TBL1X: variants seen among roughly 807,000 people sequenced by gnomAD.
The protein encoded by TBL1X is transducin beta like 1 X-linked.
TBL1X carries 10 observed loss-of-function variants against 50.7 expected under a neutral mutation model. That is an observed-to-expected ratio of 0.20 (90% confidence interval 0.12 to 0.33). The LOEUF (loss-of-function observed/expected upper bound fraction) is 0.33, where lower values mean the gene tolerates loss of function less well. Ranked by LOEUF, TBL1X falls within the 10% of genes least tolerant of loss-of-function variation. The pLI is 1.00. For missense variants in TBL1X, 340 were observed against 504.4 expected, an observed-to-expected ratio of 0.67 and a Z score of 3.12; for synonymous variants, 190 against 214.7, an observed-to-expected ratio of 0.88 and a Z score of 1.01.
chrX:9,478,509 T>C (rs1029860456), intron 1 of TBL1X, among the ~76,000 whole-genome samples: 6 of 111,976 alleles, frequency 5.4e-5, no homozygotes, highest in Admixed American at 4.7e-4. Context: ...CTTGGGCTAT[T>C]GGGCCAGGTG....
At chrX:9,617,715 A>C (rs1377970402) in intron 2 of TBL1X, among the ~76,000 whole-genome samples, 1 of 112,348 alleles carries the variant, frequency 8.9e-6, no homozygotes, top group Admixed American at 9.4e-5. Context: ...AGTGATGCCC[A>C]TAAGAGTCTT....
rs924642349 is a variant in TBL1X, at chrX:9,690,491, G to C, written c.617-1088G>C. 4.5e-5 allele frequency among the ~76,000 whole-genome samples: 5 copies of C among 111,334 alleles called. No homozygotes were observed. In the Admixed American group the frequency reaches 4.8e-4, roughly 11 times the overall value. On this transcript the variant is annotated intron_variant, in intron 7 of 17. Transcript: ENST00000645353. ...TTCTCATAAGGACACCAGTCCCACT[G>C]GGTTAGGGCCCACCCTTGTGACCTC...
chrX:9,489,381 T>G (rs770749992), intron 1 of TBL1X, among the ~76,000 whole-genome samples: 1 of 112,020 alleles, frequency 8.9e-6, no homozygotes, highest in East Asian at 2.8e-4. Flanking sequence ...GCATTTTGGC[T>G]CAAAAATAGT....
rs147818829 is a variant in TBL1X at position 9,710,918 on chromosome X, A to G, written c.1440-693A>G. 3.5e-3 allele frequency among the ~76,000 whole-genome samples: 391 copies of G among 111,863 alleles called. 4 individuals carry two copies. Among genetic ancestry groups the G allele is most frequent in the African/African-American group, 0.012 (367 of 30,743 alleles). On this transcript the variant is annotated intron_variant, in intron 15 of 17. Coordinates refer to ENST00000645353, the MANE Select transcript of TBL1X (RefSeq NM_005647.4). Reference sequence around the variant, plus strand: ...TAAATGTTTATTCACTTAATTTGCTATTTTTCCAAATATGGCTGTCTGTAT... The same window carrying G: ...TAAATGTTTATTCACTTAATTTGCTGTTTTTCCAAATATGGCTGTCTGTAT...
intron 15 of TBL1X, among the ~76,000 whole-genome samples, chrX:9,711,071 G>T (rs139805529): frequency 8.9e-6 from 1 of 111,973 alleles, no homozygotes; most frequent in Non-Finnish European, 1.9e-5. Flanking sequence ...GCTGGGCGCA[G>T]TGGCTTACAC....
At chrX:9,615,094 G>C (rs960461456) in intron 2 of TBL1X, among the ~76,000 whole-genome samples, 1 of 111,517 alleles carries the variant, frequency 9.0e-6, no homozygotes, top group African/African-American at 3.3e-5. Flanking sequence ...GGGGTTACCT[G>C]GGTTCCTGAC....
At chrX:9,584,109 A>G (rs764682901) in intron 2 of TBL1X, among the ~76,000 whole-genome samples, 1 of 112,135 alleles carries the variant, frequency 8.9e-6, no homozygotes, top group Non-Finnish European at 1.9e-5. Context: ...AGGAGCTCAA[A>G]TAAAAGCGGG....
At chrX:9,659,840 A>G (rs1202520678) in intron 5 of TBL1X, among the ~76,000 whole-genome samples, 1 of 112,224 alleles carries the variant, frequency 8.9e-6, no homozygotes, top group African/African-American at 3.2e-5. Context: ...TATCTGCAGG[A>G]CGCTCATGAA....
intron 1 of TBL1X, among the ~76,000 whole-genome samples, chrX:9,469,218 G>T (rs182859564): frequency 8.9e-6 from 1 of 111,787 alleles, no homozygotes; most frequent in African/African-American, 3.3e-5. Flanking sequence ...AGCCCAGGCT[G>T]GAGTGCAGTG....
chrX:9,524,534 T>G (rs1377393295), intron 2 of TBL1X, among the ~76,000 whole-genome samples: 1 of 112,095 alleles, frequency 8.9e-6, no homozygotes, highest in African/African-American at 3.3e-5. Flanking sequence ...TCCAGGTTCG[T>G]CCACATGGTA....
At chrX:9,600,429 T>A (rs1467425929) in intron 2 of TBL1X, among the ~76,000 whole-genome samples, 1 of 83,428 alleles carries the variant, frequency 1.2e-5, no homozygotes, top group South Asian at 7.8e-4. Context: ...CCCAACACCA[T>A]CATATTGTAG....
intron 2 of TBL1X, among the ~76,000 whole-genome samples, chrX:9,605,433 C>G (rs947274218): frequency 8.9e-6 from 1 of 112,503 alleles, no homozygotes; most frequent in Admixed American, 9.4e-5. Flanking sequence ...TCAGGTAGAT[C>G]TATTCTTCTG....
chrX:9,684,268 A>G (rs1315504980), intron 6 of TBL1X, 80 bp downstream of exon 6: 2 of 1,136,163 alleles, frequency 1.8e-6, no homozygotes, highest in Admixed American at 2.3e-5. Flanking sequence ...GGAAGCTAAC[A>G]TGCATTTCCC....
intron 5 of TBL1X, among the ~76,000 whole-genome samples, chrX:9,659,364 T>A (rs756331961): frequency 1.2e-4 from 10 of 81,000 alleles, no homozygotes; most frequent in Non-Finnish European, 1.7e-4. Context: ...ACATATTGTG[T>A]GGTCCTGAGA....
At chrX:9,640,548 C>A (rs1034455959) in intron 3 of TBL1X, among the ~76,000 whole-genome samples, 188 bp downstream of exon 3, 4 of 112,386 alleles carry the variant, frequency 3.6e-5, no homozygotes, top group African/African-American at 1.3e-4. Context: ...TTGCGAGCTG[C>A]ATAGTCAATT....
intron 2 of TBL1X, among the ~76,000 whole-genome samples, chrX:9,532,161 G>T (rs2082165539): frequency 9.0e-6 from 1 of 111,724 alleles, no homozygotes; most frequent in Non-Finnish European, 1.9e-5. Context: ...GGAGCTTTGG[G>T]TGGACATTTA....
intron 2 of TBL1X, among the ~76,000 whole-genome samples, chrX:9,569,044 ATG>A (rs1209901187): frequency 1.7e-5 from 1 of 57,908 alleles, no homozygotes; most frequent in Non-Finnish European, 3.2e-5. Context: ...GGTGTGCTGT[ATG>A]TGTGTGTCTA....
At chrX:9,542,744 C>T (rs910769299) in intron 2 of TBL1X, among the ~76,000 whole-genome samples, 5 of 111,920 alleles carry the variant, frequency 4.5e-5, no homozygotes, top group Admixed American at 1.9e-4. Context: ...CGTAAGCATC[C>T]GCTGCACCAG....
chrX:9,600,010 C>T (rs1288653581), intron 2 of TBL1X, among the ~76,000 whole-genome samples: 1 of 111,476 alleles, frequency 9.0e-6, no homozygotes, highest in Non-Finnish European at 1.9e-5. Flanking sequence ...CACACTAAAC[C>T]TGAATCCAGG....
Sources: gnomAD v4.1 joint callset for allele counts (sites outside exome capture counted in the v4.1 genomes callset) on GRCh38, gnomAD v4.1.1 for gene constraint, MANE v1.5 for transcripts, NCBI Gene and HGNC (gene_info 2026-07-23, HGNC 2026-07-21) for gene names.